The following PEX14 variants were observed in gnomAD, a reference collection of about 807,000 sequenced individuals.
The protein encoded by PEX14 is peroxisomal membrane protein PEX14.
Under a neutral mutation model 49.5 loss-of-function variants are expected in PEX14, and 15 were observed. That is an observed-to-expected ratio of 0.30 (90% CI 0.20 to 0.47). The LOEUF is 0.47. PEX14 is among the 20% of genes least tolerant of loss of function. The probability of loss-of-function intolerance (pLI) is 1.00; values close to 1 mark genes in which losing one functional copy is unlikely to be tolerated. For missense variants in PEX14, 398 were observed against 494.8 expected (o/e 0.80, Z 1.86); for synonymous variants, 210 against 212.7 (o/e 0.99, Z 0.11).
Position 10,629,393 on chromosome 1 carries a change from C to T in PEX14, c.678-138C>T. 4 of 699,526 alleles carry T rather than the reference C, an allele frequency of 5.7e-6. No homozygotes were observed. Among genetic ancestry groups the T allele is most frequent in the South Asian group, 4.9e-5 (3 of 61,256 alleles). 43.3% of individuals were successfully genotyped at this position (699,526 alleles called of 1,614,324 possible). A position where few individuals can be genotyped will look rare whatever the true frequency, so the allele number is the denominator to read the frequency against. ...TCCTGAAAGGAGGGGTGGAAGGGCT[C>T]CATCCTGTCCCTTGCCCAGTGTCCC... On this transcript the variant is annotated intron_variant, in intron 8 of 8. Transcript: ENST00000356607. This position sits in a 1 kb window ranked among gnomAD's most constrained non-coding sequence, Gnocchi z 8.5.
chr1:10,483,475 C>A (rs1167861427), intron 1 of PEX14, among the ~76,000 whole-genome samples: 2 of 152,060 alleles, frequency 1.3e-5, no homozygotes, highest in Admixed American at 1.3e-4. Flanking sequence ...CACCACCATG[C>A]CTGGCTAACT....
intron 3 of PEX14, among the ~76,000 whole-genome samples, chr1:10,561,116 A>T (rs1032477893): frequency 3.9e-5 from 6 of 152,170 alleles, no homozygotes; most frequent in African/African-American, 1.4e-4. Flanking sequence ...AGATATCATG[A>T]CACTTCACCT....
chr1:10,565,834 T>C (rs1639788123), intron 3 of PEX14, among the ~76,000 whole-genome samples: 1 of 152,066 alleles, frequency 6.6e-6, no homozygotes, highest in Non-Finnish European at 1.5e-5. Flanking sequence ...GGCGACCTCA[T>C]TGCTACAAAA....
rs550818762 is a variant in PEX14, at chr1:10,616,518, G to A, written c.299-1814G>A. On this transcript the variant is annotated intron_variant, in intron 4 of 8. Coordinates refer to ENST00000356607, the MANE Select transcript of PEX14 (RefSeq NM_004565.3). ...CCCAGATGAGCAGCACACTGTGGGG[G>A]CGCCTTCCGGATAGCTCTCCACTGG... Among the ~76,000 whole-genome samples, 18 of 152,248 alleles carry A rather than the reference G, an allele frequency of 1.2e-4. No homozygotes were observed. The South Asian group carries it at 3.7e-3, about 32-fold the overall frequency.
intron 2 of PEX14, chr1:10,528,337 C>T: frequency 7.2e-6 from 7 of 971,326 alleles, no homozygotes; most frequent in Non-Finnish European, 8.6e-6. Flanking sequence ...GTTTCATCTG[C>T]TGAGCATCTG....
At chr1:10,564,904 C>CTTT (rs57411640) in intron 3 of PEX14, among the ~76,000 whole-genome samples, 3,896 of 125,480 alleles carry the variant, frequency 0.031, 245 homozygotes, top group African/African-American at 0.077. Context: ...TTTTGTATAT[C>CTTT]TTTTTTTTTT....
chr1:10,491,258 G>C (rs1641467037), intron 1 of PEX14, among the ~76,000 whole-genome samples: 1 of 152,120 alleles, frequency 6.6e-6, no homozygotes, highest in South Asian at 2.1e-4. Flanking sequence ...AAAAAGGCCA[G>C]GTGTGGTGGC....
chr1:10,521,768 C>T (rs1638301218), intron 2 of PEX14, among the ~76,000 whole-genome samples: 1 of 152,206 alleles, frequency 6.6e-6, no homozygotes, highest in Admixed American at 6.5e-5. Context: ...ATACCATCCC[C>T]TTGGCCCCTT....
At chr1:10,606,674 G>C (rs1339815750) in intron 4 of PEX14, among the ~76,000 whole-genome samples, 1 of 152,152 alleles carries the variant, frequency 6.6e-6, no homozygotes, top group Non-Finnish European at 1.5e-5. Flanking sequence ...TTTTGTATGT[G>C]TCAAATATTA....
At chr1:10,564,841 GCTAT>G (rs1639755641) in intron 3 of PEX14, among the ~76,000 whole-genome samples, 1 of 150,874 alleles carries the variant, frequency 6.6e-6, no homozygotes, top group Non-Finnish European at 1.5e-5. Context: ...TTAACACTGG[GCTAT>G]CTATGAGTTT....
chr1:10,577,562 ATTTTTTTTTT>A (rs1164876121), intron 3 of PEX14, among the ~76,000 whole-genome samples: 240 of 6,234 alleles, frequency 0.038, 18 homozygotes, highest in Non-Finnish European at 0.059. Context: ...ATATATATAT[ATTTTTTTTTT>A]TTTTTTTTTT....
rs34410254 is a variant in PEX14, at chr1:10,537,341, ACC to A, written c.169+1055_169+1056del. 1.4e-4 allele frequency among the ~76,000 whole-genome samples: 4 copies of A among 28,428 alleles called. 1 individual carries two copies. The highest frequency in any genetic ancestry group is 5.6e-4 in the African/African-American group (4 of 7,080). 18.6% of individuals were successfully genotyped at this position (28,428 alleles called of 152,430 possible). A position where few individuals can be genotyped will look rare whatever the true frequency, so the allele number is the denominator to read the frequency against. On this transcript the variant is annotated intron_variant, in intron 3 of 8. Transcript: ENST00000356607. Reference sequence around the variant, plus strand: ...TGCTCACTGGCTGCATTGTGCCAGCACCCCCCCCCCCCGCCATCATTAGGAGA... The same window carrying A: ...TGCTCACTGGCTGCATTGTGCCAGCACCCCCCCCCCGCCATCATTAGGAGA...
intron 3 of PEX14, among the ~76,000 whole-genome samples, chr1:10,541,674 C>T (rs17464919): frequency 0.014 from 2,127 of 152,332 alleles, 32 homozygotes; most frequent in Non-Finnish European, 0.016. Flanking sequence ...TGTTCTGGCC[C>T]AGCCTATTCA....
At chr1:10,536,631 G>T in intron 3 of PEX14, 1 of 321,374 alleles carries the variant, frequency 3.1e-6, no homozygotes. Context: ...GACCCTGGCT[G>T]CAGGATGACT....
chr1:10,622,947 C>A, intron 5 of PEX14, 72 bp from the exon 6 acceptor site: 1 of 1,070,980 alleles, frequency 9.3e-7, no homozygotes, highest in Non-Finnish European at 1.4e-6. Flanking sequence ...AGTTGGGCGG[C>A]AGAATTTGAG....
intron 3 of PEX14, among the ~76,000 whole-genome samples, chr1:10,557,907 TATA>T (rs1485059094): frequency 6.6e-6 from 1 of 151,966 alleles, no homozygotes; most frequent in Non-Finnish European, 1.5e-5. Flanking sequence ...TAACAGGGAA[TATA>T]ACTTTATTTT....
chr1:10,487,630 G>A (rs1188528), intron 1 of PEX14, among the ~76,000 whole-genome samples: 97,867 of 150,954 alleles, frequency 0.65, 32,083 homozygotes, highest in South Asian at 0.75. Context: ...GACTACAGGC[G>A]TGCGCCACCA....
intron 3 of PEX14, among the ~76,000 whole-genome samples, chr1:10,587,763 G>C (rs1484445337): frequency 3.9e-5 from 6 of 151,978 alleles, no homozygotes; most frequent in Admixed American, 3.3e-4. Context: ...TAGAATGAGA[G>C]AGCTCTGTAG....
intron 3 of PEX14, among the ~76,000 whole-genome samples, chr1:10,592,792 A>AATTAAACTGCTCCCC (rs1553194259): frequency 6.6e-6 from 1 of 152,162 alleles, no homozygotes; most frequent in Non-Finnish European, 1.5e-5. Context: ...TCTGCTTTGG[A>AATTAAACTGCTCCCC]ATTAAACTGC....
Sources: gnomAD v4.1 joint callset for allele counts (sites outside exome capture counted in the v4.1 genomes callset) on GRCh38, gnomAD v4.1.1 for gene constraint, Gnocchi (gnomAD v3.1) non-coding constraint, MANE v1.5 for transcripts, NCBI Gene and HGNC (gene_info 2026-07-23, HGNC 2026-07-21) for gene names.